RSU1: variants seen among roughly 807,000 people sequenced by gnomAD.
RSU1 encodes the protein rsu-1.
Under a neutral mutation model 31.1 loss-of-function variants are expected in RSU1, and 26 were observed. The observed-to-expected ratio is 0.84, with a 90% CI of 0.61 to 1.16. The LOEUF is 1.16. RSU1 is among the 50% of genes most tolerant of loss of function. RSU1 has a pLI of 0.00. For missense variants in RSU1, 320 were observed against 339.1 expected (o/e 0.94, Z 0.44); for synonymous variants, 164 against 136.3 (o/e 1.20, Z -1.41).
intron 8 of RSU1, among the ~76,000 whole-genome samples, chr10:16,596,970 A>G (rs1413030359): frequency 6.6e-6 from 1 of 152,082 alleles, no homozygotes; most frequent in Non-Finnish European, 1.5e-5. Flanking sequence ...CGATCCACCC[A>G]CCTTGGAAAG....
intron 7 of RSU1, among the ~76,000 whole-genome samples, chr10:16,709,057 C>T (rs1425993991): frequency 6.6e-6 from 1 of 151,238 alleles, no homozygotes; most frequent in African/African-American, 2.4e-5. Flanking sequence ...GTGCAGGTTA[C>T]ATATGTATAC....
At chr10:16,615,968 G>C (rs1361441961) in intron 8 of RSU1, among the ~76,000 whole-genome samples, 2 of 152,192 alleles carry the variant, frequency 1.3e-5, no homozygotes, top group Non-Finnish European at 2.9e-5. Flanking sequence ...AAAAGAACTA[G>C]AGAAGCAAGA....
At chr10:16,653,407 G>A (rs563894056) in intron 8 of RSU1, among the ~76,000 whole-genome samples, 2 of 152,172 alleles carry the variant, frequency 1.3e-5, no homozygotes, top group African/African-American at 4.8e-5. Flanking sequence ...GTGTGCAGAG[G>A]GTAAAAATAA....
rs184465035 is a variant in RSU1, at chr10:16,754,862, G to C, written c.400+9C>G. On this transcript the variant is annotated intron_variant, in intron 5 of 8. Coordinates refer to ENST00000345264, the MANE Select transcript of RSU1 (RefSeq NM_012425.4). ...GTTGAGGAGATTTATAGAATTGAAAGTTTCTTACTCAGGTAGAAGAAGTTT... is the reference window on the plus strand; with the variant it reads ...GTTGAGGAGATTTATAGAATTGAAACTTTCTTACTCAGGTAGAAGAAGTTT... 3 of 1,543,582 alleles carry C rather than the reference G, an allele frequency of 1.9e-6. No homozygotes were observed. In the South Asian group the frequency reaches 3.4e-5, roughly 17 times the overall value.
chr10:16,649,124 A>T (rs1588694176), intron 8 of RSU1, among the ~76,000 whole-genome samples: 1 of 152,124 alleles, frequency 6.6e-6, no homozygotes. Context: ...CTTTATTTTA[A>T]TTTATTTTTT....
At chr10:16,803,207 T>C (rs1300565324) in intron 2 of RSU1, among the ~76,000 whole-genome samples, 1 of 152,162 alleles carries the variant, frequency 6.6e-6, no homozygotes, top group Non-Finnish European at 1.5e-5. Context: ...CAAAGGCAAT[T>C]GCTTTTCTAT....
At chr10:16,816,847 G>C (rs1207273274) in intron 2 of RSU1, 126 bp downstream of exon 2, 51 of 674,840 alleles carry the variant, frequency 7.6e-5, no homozygotes, top group Non-Finnish European at 1.1e-4. Context: ...CCCCTGACAA[G>C]TGAGGTTTAC....
intron 8 of RSU1, among the ~76,000 whole-genome samples, chr10:16,655,791 G>C (rs187716343): frequency 1.3e-5 from 2 of 152,160 alleles, no homozygotes; most frequent in African/African-American, 2.4e-5. Context: ...TTTAAATTGA[G>C]GTATGTCCAC....
chr10:16,595,613 T>C (rs1389712700), intron 8 of RSU1, among the ~76,000 whole-genome samples: 1 of 152,174 alleles, frequency 6.6e-6, no homozygotes, highest in Non-Finnish European at 1.5e-5. Flanking sequence ...AGGAATTAGT[T>C]TGGAGGCCTT....
chr10:16,622,446 G>C (rs1304885123), intron 8 of RSU1, among the ~76,000 whole-genome samples: 1 of 152,186 alleles, frequency 6.6e-6, no homozygotes, highest in Non-Finnish European at 1.5e-5. Flanking sequence ...AGCAGGCAGA[G>C]TTCTGGAAAA....
chr10:16,714,226 T>C (rs757351763), intron 7 of RSU1, among the ~76,000 whole-genome samples: 4 of 152,102 alleles, frequency 2.6e-5, no homozygotes, highest in South Asian at 2.1e-4. Context: ...AGTCTACTGG[T>C]CTGATGCTGT....
intron 8 of RSU1, among the ~76,000 whole-genome samples, chr10:16,598,427 G>A (rs1256939893): frequency 1.3e-5 from 2 of 152,120 alleles, no homozygotes; most frequent in Admixed American, 1.3e-4. Flanking sequence ...GAGCACACCT[G>A]TAGTCCCAGC....
At chr10:16,689,771 A>G (rs1224606477) in intron 8 of RSU1, among the ~76,000 whole-genome samples, 1 of 152,210 alleles carries the variant, frequency 6.6e-6, no homozygotes, top group African/African-American at 2.4e-5. Flanking sequence ...AACGGAACAC[A>G]CAAAACACAA....
chr10:16,654,360 G>GAAAAAAAAAA (rs1834735049), intron 8 of RSU1, among the ~76,000 whole-genome samples: 1 of 68,400 alleles, frequency 1.5e-5, no homozygotes, highest in Non-Finnish European at 2.5e-5. Context: ...ACCTAAATTT[G>GAAAAAAAAAA]CAAAAAAAAA....
chr10:16,648,132 A>ATTTTTTTTTT lies in RSU1; in HGVS notation c.731+46881_731+46890dup, dbSNP rs1554763091. Among the ~76,000 whole-genome samples, 849 of 133,458 alleles carry ATTTTTTTTTT rather than the reference A, an allele frequency of 6.4e-3. 12 individuals carry two copies. Among genetic ancestry groups the ATTTTTTTTTT allele is most frequent in the African/African-American group, 0.028 (785 of 27,878 alleles). 87.6% of individuals were successfully genotyped at this position (133,458 alleles called of 152,430 possible). A position where few individuals can be genotyped will look rare whatever the true frequency, so the allele number is the denominator to read the frequency against. On this transcript the variant is annotated intron_variant, in intron 8 of 8. Coordinates refer to ENST00000345264, the MANE Select transcript of RSU1 (RefSeq NM_012425.4). ...CCTGGCTAATTTAAAAAAAAAAAAA[A>ATTTTTTTTTT]TTTTTTTTTTTTTTTAAGAGACTAG...
rs999169503 is a variant in RSU1 at position 16,741,454 on chromosome 10, T to C, written c.598+11085A>G. Among the ~76,000 whole-genome samples the C allele has an allele frequency of 2.6e-5, 4 of 152,170 alleles. No homozygotes were observed. In the South Asian group the frequency reaches 6.2e-4, roughly 24 times the overall value. ...CGATGTTCTAAAGTTGTGGTAATGG[T>C]TGTACAACTCTGAACATACTAAAAA... is the stretch of plus-strand genomic sequence containing the variant. On this transcript the variant is annotated intron_variant, in intron 7 of 8. Transcript: ENST00000345264.
Position 16,791,444 on chromosome 10 carries a change from C to T in RSU1, c.110-9360G>A, listed in dbSNP as rs537227574. Among the ~76,000 whole-genome samples the T allele has an allele frequency of 3.3e-5, 5 of 152,186 alleles. No homozygotes were observed. In the East Asian group the frequency reaches 9.7e-4, roughly 30 times the overall value. On this transcript the variant is annotated intron_variant, in intron 2 of 8. Coordinates refer to ENST00000345264, the MANE Select transcript of RSU1 (RefSeq NM_012425.4). ...AGCTCAGGAGTTCAGGATTTCAGGA[C>T]ATAGTGAAATCCCATCTCTACCGAA... is the stretch of plus-strand genomic sequence containing the variant.
At chr10:16,698,597 G>A (rs1835727028) in intron 7 of RSU1, among the ~76,000 whole-genome samples, 1 of 152,162 alleles carries the variant, frequency 6.6e-6, no homozygotes, top group Admixed American at 6.5e-5. Flanking sequence ...TCTGAAGCCT[G>A]TAACCCCCTG....
chr10:16,756,346 A>C (rs140274480), intron 4 of RSU1, among the ~76,000 whole-genome samples: 2 of 152,294 alleles, frequency 1.3e-5, no homozygotes, highest in Non-Finnish European at 2.9e-5. Context: ...ACAACCTAAA[A>C]AATTTTTAAA....
Sources: allele counts gnomAD v4.1 joint callset (sites outside exome capture counted in the v4.1 genomes callset), GRCh38; gene constraint gnomAD v4.1.1; transcripts MANE v1.5; gene names NCBI Gene and HGNC (gene_info 2026-07-23, HGNC 2026-07-21).